PTPRG: variants seen among roughly 807,000 people sequenced by gnomAD.
PTPRG encodes protein tyrosine phosphatase receptor type G.
A neutral mutation model predicts 165.3 loss-of-function variants in PTPRG; 102 were observed. The observed-to-expected ratio is 0.62, with a 90% CI of 0.53 to 0.73. The LOEUF (loss-of-function observed/expected upper bound fraction) is 0.73. PTPRG is among the 30% of genes least tolerant of loss of function. PTPRG has a pLI of 0.00. For synonymous variants in PTPRG, 675 were observed against 669.5 expected (o/e 1.01, Z -0.13); for missense variants, 1,866 against 1,861.4 (o/e 1.00, Z -0.05).
intron 1 of PTPRG, among the ~76,000 whole-genome samples, chr3:61,671,870 G>T (rs1473720511): frequency 2.0e-5 from 3 of 147,146 alleles, no homozygotes; most frequent in Non-Finnish European, 4.5e-5. Flanking sequence ...TCACCTCCCG[G>T]ACTGGGCGGC....
At chr3:62,239,693 C>T (rs371570467) in intron 14 of PTPRG, among the ~76,000 whole-genome samples, 3 of 152,060 alleles carry the variant, frequency 2.0e-5, no homozygotes, top group Admixed American at 1.3e-4. Context: ...CATTCCCCTG[C>T]GCTCAAAATT....
rs1036190099 is a variant in PTPRG at position 62,135,607 on chromosome 3, AC to A, written c.682+2940del. On this transcript the variant is annotated intron_variant, in intron 6 of 29. Coordinates refer to ENST00000474889, the MANE Select transcript of PTPRG (RefSeq NM_002841.4). Reference sequence around the variant, plus strand: ...AGGAATAACCTGCTCATATCAGCCAACTGTATTTGGCAGTTGGTCATTAGGG... The same window carrying A: ...AGGAATAACCTGCTCATATCAGCCAATGTATTTGGCAGTTGGTCATTAGGG... 1.2e-4 allele frequency among the ~76,000 whole-genome samples: 18 copies of A among 152,286 alleles called. 1 individual carries two copies. The highest frequency in any genetic ancestry group is 3.4e-3 in the Middle Eastern group (1 of 294).
At chr3:61,751,528 C>T (rs907074078) in intron 2 of PTPRG, among the ~76,000 whole-genome samples, 1 of 152,058 alleles carries the variant, frequency 6.6e-6, no homozygotes, top group Admixed American at 6.5e-5. Flanking sequence ...TTTAGGGGTG[C>T]AGTGTGTGAG....
chr3:61,658,930 G>C (rs1016168619), intron 1 of PTPRG, among the ~76,000 whole-genome samples: 2 of 152,192 alleles, frequency 1.3e-5, no homozygotes, highest in African/African-American at 4.8e-5. Flanking sequence ...CTGAATCTGT[G>C]TTCAGACCAG....
intron 2 of PTPRG, among the ~76,000 whole-genome samples, chr3:61,756,694 A>C (rs1015142217): frequency 2.6e-5 from 4 of 152,220 alleles, no homozygotes; most frequent in Non-Finnish European, 5.9e-5. Context: ...AGAGGACATG[A>C]ATACATTCCT....
intron 2 of PTPRG, among the ~76,000 whole-genome samples, chr3:61,890,395 C>T (rs540268547): frequency 1.8e-3 from 236 of 128,088 alleles, no homozygotes; most frequent in African/African-American, 7.3e-3. Flanking sequence ...GGGTTTTGGG[C>T]GGGTTTCTTG....
At chr3:61,737,906 G>GTTT (rs754252949) in intron 1 of PTPRG, among the ~76,000 whole-genome samples, 7 of 53,262 alleles carry the variant, frequency 1.3e-4, no homozygotes, top group South Asian at 8.8e-4. Flanking sequence ...ATATGCTGAG[G>GTTT]TTTTTTTGTT....
chr3:61,925,049 C>A (rs985886292), intron 2 of PTPRG, among the ~76,000 whole-genome samples: 1 of 152,002 alleles, frequency 6.6e-6, no homozygotes, highest in Admixed American at 6.6e-5. Context: ...TTTGGACTTC[C>A]TAGCCTCCAG....
chr3:61,891,136 A>G (rs1234148040), intron 2 of PTPRG, among the ~76,000 whole-genome samples: 1 of 151,892 alleles, frequency 6.6e-6, no homozygotes, highest in Non-Finnish European at 1.5e-5. Flanking sequence ...TGGCTAACAT[A>G]GCAAAACCCC....
rs1700904270 is a variant in PTPRG at position 62,231,650 on chromosome 3, G to C, written c.2375+339G>C. ...TTTCTTTCCAAATTTTTAGATATTT[G>C]CATGGTTTTGAGCTTTTAAAAAAAC... On this transcript the variant is annotated intron_variant, in intron 14 of 29. Transcript: ENST00000474889. Among the ~76,000 whole-genome samples, 3 of 152,040 alleles carry C rather than the reference G, an allele frequency of 2.0e-5. No homozygotes were observed. In the South Asian group the frequency reaches 6.3e-4, roughly 32 times the overall value.
intron 1 of PTPRG, among the ~76,000 whole-genome samples, chr3:61,660,871 C>T (rs1196976979): frequency 2.0e-5 from 3 of 152,000 alleles, no homozygotes; most frequent in Non-Finnish European, 4.4e-5. Context: ...CGTGGTGGTG[C>T]ACACCTTGTA....
intron 2 of PTPRG, among the ~76,000 whole-genome samples, chr3:61,798,936 A>G: frequency 6.6e-6 from 1 of 152,166 alleles, no homozygotes; most frequent in East Asian, 1.9e-4. Context: ...GTTCCTGAGC[A>G]GAGTTCTCGT....
chr3:62,144,911 GC>G (rs1301927094), intron 6 of PTPRG, among the ~76,000 whole-genome samples: 1 of 152,052 alleles, frequency 6.6e-6, no homozygotes, highest in Non-Finnish European at 1.5e-5. Context: ...TTCTCATTCA[GC>G]CTGCCTTGTT....
At chr3:62,073,892 A>T (rs1053408775) in intron 4 of PTPRG, among the ~76,000 whole-genome samples, 2 of 152,208 alleles carry the variant, frequency 1.3e-5, no homozygotes, top group African/African-American at 4.8e-5. Context: ...AGGTCAGTGT[A>T]AAAAGACAGG....
chr3:61,987,072 A>G (rs1416378383), intron 2 of PTPRG, among the ~76,000 whole-genome samples: 1 of 152,204 alleles, frequency 6.6e-6, no homozygotes, highest in Non-Finnish European at 1.5e-5. Context: ...TACAGTGTGG[A>G]ATGGCAATGG....
chr3:61,734,778 A>C (rs1032109255), intron 1 of PTPRG, among the ~76,000 whole-genome samples: 1 of 152,234 alleles, frequency 6.6e-6, no homozygotes, highest in Non-Finnish European at 1.5e-5. Flanking sequence ...CGTATTGCAG[A>C]GTCATAAAAG....
At chr3:61,655,796 T>A (rs956590723) in intron 1 of PTPRG, among the ~76,000 whole-genome samples, 1 of 152,268 alleles carries the variant, frequency 6.6e-6, no homozygotes, top group South Asian at 2.1e-4. Flanking sequence ...TTTGTAGATA[T>A]AGGATCTCCC....
At chr3:62,178,982 G>A (rs1010026551) in intron 8 of PTPRG, among the ~76,000 whole-genome samples, 1 of 152,186 alleles carries the variant, frequency 6.6e-6, no homozygotes, top group Non-Finnish European at 1.5e-5. Flanking sequence ...TGAAACATGA[G>A]GCTGCGAGAC....
chr3:62,165,645 G>A (rs1308536881), intron 7 of PTPRG, among the ~76,000 whole-genome samples: 2 of 152,162 alleles, frequency 1.3e-5, no homozygotes, highest in Non-Finnish European at 2.9e-5. Context: ...GGCTGCTTTG[G>A]CTTTTAGGCT....
Sources: allele counts gnomAD v4.1 joint callset (sites outside exome capture counted in the v4.1 genomes callset), GRCh38; gene constraint gnomAD v4.1.1; transcripts MANE v1.5; gene names NCBI Gene and HGNC (gene_info 2026-07-23, HGNC 2026-07-21).